Variants in PRKN observed in about 807,000 individuals in gnomAD.
PRKN encodes the protein parkin RBR E3 ubiquitin protein ligase, also known as E3 ubiquitin-protein ligase parkin.
PRKN carries 56 observed loss-of-function variants against 59.5 expected under a neutral mutation model. The observed-to-expected ratio is 0.94, with a 90% CI of 0.76 to 1.18. The LOEUF (loss-of-function observed/expected upper bound fraction) is 1.18, where lower values mean the gene tolerates loss of function less well. Among genes scored for constraint, PRKN ranks in the 50% most tolerant of loss-of-function variants. The pLI is 0.00. For synonymous variants in PRKN, 250 were observed against 222.1 expected, an observed-to-expected ratio of 1.13 and a Z score of -1.12; for missense variants, 657 against 596.4, an observed-to-expected ratio of 1.10 and a Z score of -1.06.
intron 2 of PRKN, among the ~76,000 whole-genome samples, chr6:162,393,855 A>G (rs1417939110): frequency 6.6e-6 from 1 of 152,238 alleles, no homozygotes; most frequent in East Asian, 1.9e-4. Flanking sequence ...AGATTTAGTT[A>G]AAATTAAAAA....
chr6:162,516,396 T>C (rs1368721735), intron 1 of PRKN, among the ~76,000 whole-genome samples: 1 of 152,186 alleles, frequency 6.6e-6, no homozygotes, highest in Non-Finnish European at 1.5e-5. Flanking sequence ...GACAGAACAG[T>C]AGTCTCTTAC....
At chr6:162,429,992 T>C (rs1051499741) in intron 2 of PRKN, among the ~76,000 whole-genome samples, 1 of 152,174 alleles carries the variant, frequency 6.6e-6, no homozygotes, top group African/African-American at 2.4e-5. Context: ...TTGCATCTTT[T>C]ATTTTATAAT....
Position 162,227,149 on chromosome 6 carries a change from C to T in PRKN, c.413-25897G>A, listed in dbSNP as rs547892451. The stretch of plus-strand genomic sequence containing the variant: ...CGTATGGGACTTGCATACAGTCTTC[C>T]GCATATGTACATCTTTACGTAGTTG... On this transcript the variant is annotated intron_variant, in intron 3 of 11. Coordinates refer to ENST00000366898, the MANE Select transcript of PRKN (RefSeq NM_004562.3). 4.6e-5 allele frequency among the ~76,000 whole-genome samples: 7 copies of T among 152,070 alleles called. No homozygotes were observed. In the South Asian group the frequency reaches 8.3e-4, roughly 18 times the overall value.
intron 6 of PRKN, among the ~76,000 whole-genome samples, chr6:161,885,684 GA>G (rs1795121689): frequency 9.6e-6 from 1 of 104,092 alleles, no homozygotes. Context: ...AAAAAAAAAA[GA>G]ATGTCTGAGC....
chr6:161,718,631 C>A (rs141998493), intron 7 of PRKN, among the ~76,000 whole-genome samples: 4,153 of 152,156 alleles, frequency 0.027, 78 homozygotes, highest in Non-Finnish European at 0.041. Context: ...AGCCCAGTGG[C>A]CTCGGGACTA....
At chr6:162,131,845 A>T (rs1011359268) in intron 4 of PRKN, among the ~76,000 whole-genome samples, 8 of 152,208 alleles carry the variant, frequency 5.3e-5, no homozygotes, top group African/African-American at 1.7e-4. Context: ...TCTTCAGCAA[A>T]TGTAAAGGTA....
chr6:162,508,383 C>T (rs1291636257), intron 1 of PRKN, among the ~76,000 whole-genome samples: 1 of 152,164 alleles, frequency 6.6e-6, no homozygotes, highest in Non-Finnish European at 1.5e-5. Context: ...CTTTCTAAGC[C>T]TTATTTATCT....
At chr6:161,507,973 T>C (rs898903898) in intron 9 of PRKN, among the ~76,000 whole-genome samples, 2 of 152,188 alleles carry the variant, frequency 1.3e-5, no homozygotes, top group African/African-American at 2.4e-5. Context: ...TTCTGACACA[T>C]GGGAATGCCT....
intron 1 of PRKN, among the ~76,000 whole-genome samples, chr6:162,607,741 T>C (rs928913956): frequency 2.6e-5 from 4 of 151,998 alleles, no homozygotes; most frequent in Non-Finnish European, 5.9e-5. Flanking sequence ...TTGGATGGGT[T>C]TAGGTAGGTT....
At chr6:162,482,597 C>T (rs1792356562) in intron 1 of PRKN, among the ~76,000 whole-genome samples, 1 of 152,128 alleles carries the variant, frequency 6.6e-6, no homozygotes, top group Non-Finnish European at 1.5e-5. Context: ...TTTGTGACAT[C>T]TAATGTTGAT....
chr6:162,331,296 T>C (rs926419638), intron 2 of PRKN, among the ~76,000 whole-genome samples: 1 of 152,054 alleles, frequency 6.6e-6, no homozygotes, highest in African/African-American at 2.4e-5. Context: ...TAACAGGAGA[T>C]TTGGGTGGAG....
chr6:161,708,321 T>G (rs184278185), intron 7 of PRKN, among the ~76,000 whole-genome samples: 1 of 152,322 alleles, frequency 6.6e-6, no homozygotes, highest in Non-Finnish European at 1.5e-5. Context: ...AATAATTTTC[T>G]TTTATGGAAT....
intron 4 of PRKN, among the ~76,000 whole-genome samples, chr6:162,076,519 A>G (rs981970440): frequency 6.6e-6 from 1 of 152,100 alleles, no homozygotes; most frequent in Non-Finnish European, 1.5e-5. Flanking sequence ...TGTTATAATC[A>G]AAGTCCAATC....
intron 2 of PRKN, among the ~76,000 whole-genome samples, chr6:162,430,018 T>G (rs1789432369): frequency 6.6e-6 from 1 of 152,156 alleles, no homozygotes; most frequent in African/African-American, 2.4e-5. Context: ...CATAAAATAT[T>G]CCTTCCTTTT....
chr6:162,309,947 G>C (rs1211237107), intron 2 of PRKN, among the ~76,000 whole-genome samples: 2 of 152,076 alleles, frequency 1.3e-5, no homozygotes, highest in African/African-American at 4.8e-5. Context: ...CCACTTATAT[G>C]TAAGAACATG....
At chr6:161,619,024 C>G (rs965898386) in intron 7 of PRKN, among the ~76,000 whole-genome samples, 3 of 152,088 alleles carry the variant, frequency 2.0e-5, no homozygotes, top group Non-Finnish European at 2.9e-5. Context: ...CAGAGGGCAG[C>G]AGATGCTCTT....
In PRKN at chr6:161,547,762, T is replaced by G. The variant is rs1436456817; in HGVS notation, c.1083+1092A>C. Reference sequence around the variant, plus strand: ...GCTGGAGAGTGTGTCCTGATTTCCATCGTCTCCAGGGAGAGTAAACACTTG... The same window carrying G: ...GCTGGAGAGTGTGTCCTGATTTCCAGCGTCTCCAGGGAGAGTAAACACTTG... On this transcript the variant is annotated intron_variant, in intron 9 of 11. Transcript: ENST00000366898. This position sits in a 1 kb window ranked among gnomAD's most constrained non-coding sequence, Gnocchi z 4.0. Among the ~76,000 whole-genome samples, 1 of 152,220 alleles carries G rather than the reference T, an allele frequency of 6.6e-6. No individual in the cohort carries two copies. Among genetic ancestry groups the G allele is most frequent in the Non-Finnish European group, 1.5e-5 (1 of 68,040 alleles).
Position 161,456,508 on chromosome 6 carries a change from T to A in PRKN, c.1084-69631A>T, listed in dbSNP as rs1789976322. Among the ~76,000 whole-genome samples the A allele has an allele frequency of 6.6e-6, 1 of 152,150 alleles. No individual in the cohort carries two copies. The highest frequency in any genetic ancestry group is 2.1e-4 in the South Asian group (1 of 4,828). The stretch of plus-strand genomic sequence containing the variant: ...TCCTTGCTCCTCAGCTTGCAGACAG[T>A]CTATTGTGGGACTTCTCCTTGTGAT... On this transcript the variant is annotated intron_variant, in intron 9 of 11. Coordinates refer to ENST00000366898, the MANE Select transcript of PRKN (RefSeq NM_004562.3). The surrounding 1 kb of genome is among the most constrained non-coding windows in gnomAD (Gnocchi z 4.8).
In PRKN at chr6:161,428,080, C is replaced by T. The variant is rs1788471779; in HGVS notation, c.1084-41203G>A. ...CTCCGTGGAGCTCGGCATTTGGACA[C>T]AGCTCACACGCATGAGTGATGCTCT... On this transcript the variant is annotated intron_variant, in intron 9 of 11. Transcript: ENST00000366898. This position sits in a 1 kb window ranked among gnomAD's most constrained non-coding sequence, Gnocchi z 4.0. Among the ~76,000 whole-genome samples the T allele has an allele frequency of 1.3e-5, 2 of 152,182 alleles. No individual in the cohort carries two copies. Among genetic ancestry groups the T allele is most frequent in the South Asian group, 4.1e-4 (2 of 4,832 alleles).
Sources: allele counts gnomAD v4.1 joint callset (sites outside exome capture counted in the v4.1 genomes callset), GRCh38; gene constraint gnomAD v4.1.1; non-coding constraint Gnocchi (gnomAD v3.1); transcripts MANE v1.5; gene names NCBI Gene and HGNC (gene_info 2026-07-23, HGNC 2026-07-21).